ASH1L: variants seen among roughly 807,000 people sequenced by gnomAD.
ASH1L encodes histone-lysine N-methyltransferase ASH1L.
In ASH1L, 23 loss-of-function variants were observed where a neutral mutation model predicts 269.0. The ratio of observed to expected loss-of-function variants is 0.09; its 90% CI spans 0.06 to 0.12. The LOEUF is 0.12. Among genes scored for constraint, ASH1L ranks in the 10% least tolerant of loss-of-function variants. The pLI is 1.00. For synonymous variants in ASH1L, 1,187 were observed against 1,253.5 expected (o/e 0.95, Z 1.12); for missense variants, 2,912 against 3,567.8 (o/e 0.82, Z 4.68).
chr1:155,477,922 G>A lies in ASH1L; in HGVS notation c.4948C>T (p.Leu1650=). 6.2e-7 allele frequency: 1 copy of A among 1,613,612 alleles called. No homozygotes were observed. The highest frequency in any genetic ancestry group is 8.5e-7 in the Non-Finnish European group (1 of 1,179,514). The change falls in exon 3 of 28, where the codon CTG becomes TTG. Residue 1650 remains leucine (L), a synonymous_variant. Coordinates refer to ENST00000392403, the MANE Select transcript of ASH1L (RefSeq NM_018489.3). ...SLNRLHRKES[L]PSNERAVQTL... ...TGTACTGCCCTTTCGTTAGAAGGCAGTGACTCCTTTCTGTGAAGCCGATTT... is the reference window on the plus strand; with the variant it reads ...TGTACTGCCCTTTCGTTAGAAGGCAATGACTCCTTTCTGTGAAGCCGATTT...
chr1:155,519,502 G>A (rs1668725122), intron 2 of ASH1L, among the ~76,000 whole-genome samples: 1 of 152,192 alleles, frequency 6.6e-6, no homozygotes, highest in African/African-American at 2.4e-5. Flanking sequence ...ATTCAGCCAT[G>A]AAAAGGAATG....
Position 155,479,128 on chromosome 1 carries a change from G to C in ASH1L, c.3742C>G (p.His1248Asp). Reference sequence around the variant, plus strand: ...TTCCTGCGCTTACATTTGTGTTTATGTTTTTCTTTAAGACTGCTTAGCACT... The same window carrying C: ...TTCCTGCGCTTACATTTGTGTTTATCTTTTTCTTTAAGACTGCTTAGCACT... ...STVLSSLKEK[H>D]KHKCKRRNHD... The change falls in exon 3 of 28, where the codon CAT (histidine) becomes GAT (aspartate). Residue 1248 changes from histidine (H) to aspartate (D), a missense_variant. Around this residue, in one of 13 missense-constraint regions of ASH1L, gnomAD observed 789 missense variants for 897.6 expected, o/e 0.88. Transcript: ENST00000392403. The C allele has an allele frequency of 6.2e-7, 1 of 1,614,116 alleles. No homozygotes were observed.
intron 1 of ASH1L, among the ~76,000 whole-genome samples, chr1:155,536,902 G>T (rs763553062): frequency 6.6e-6 from 1 of 151,672 alleles, no homozygotes; most frequent in African/African-American, 2.4e-5. Context: ...AAAATTAGCC[G>T]GGCGTGGTGG....
At chr1:155,488,791 A>G (rs1666533295) in intron 2 of ASH1L, among the ~76,000 whole-genome samples, 1 of 151,810 alleles carries the variant, frequency 6.6e-6, no homozygotes, top group South Asian at 2.1e-4. Context: ...ACTTTAAGAG[A>G]GCATATTATC....
At chr1:155,404,638 C>T (rs1659113105) in intron 6 of ASH1L, among the ~76,000 whole-genome samples, 1 of 152,002 alleles carries the variant, frequency 6.6e-6, no homozygotes, top group Non-Finnish European at 1.5e-5. Context: ...GAGACAAACT[C>T]AATACATGAA....
intron 13 of ASH1L, among the ~76,000 whole-genome samples, chr1:155,358,005 G>A (rs532927364): frequency 3.3e-5 from 5 of 152,058 alleles, no homozygotes; most frequent in Non-Finnish European, 2.9e-5. Flanking sequence ...TCCAGGGCTC[G>A]AGCAACTCTC....
chr1:155,485,133 G>A (rs1570953149), intron 2 of ASH1L, among the ~76,000 whole-genome samples: 1 of 150,894 alleles, frequency 6.6e-6, no homozygotes, highest in East Asian at 1.9e-4. Flanking sequence ...GCGCATGCCT[G>A]TAGTCCCAGC....
intron 2 of ASH1L, among the ~76,000 whole-genome samples, chr1:155,494,932 A>AAG (rs139398189): frequency 0.011 from 1,681 of 149,514 alleles, 14 homozygotes; most frequent in African/African-American, 0.03. Flanking sequence ...AATAAGGAAA[A>AAG]AGAGAGAGAG....
chr1:155,442,629 T>G (rs1159240708), intron 4 of ASH1L, among the ~76,000 whole-genome samples: 1 of 151,608 alleles, frequency 6.6e-6, no homozygotes, highest in East Asian at 1.9e-4. Context: ...CTCACAAATT[T>G]TATCAGGTTT....
At chr1:155,484,659 T>C (rs1338009335) in intron 2 of ASH1L, among the ~76,000 whole-genome samples, 3 of 151,820 alleles carry the variant, frequency 2.0e-5, no homozygotes, top group Non-Finnish European at 4.4e-5. Context: ...CCAGGCGCAG[T>C]GGCTCATGCC....
At chr1:155,495,296 T>C (rs528982709) in intron 2 of ASH1L, among the ~76,000 whole-genome samples, 6 of 152,240 alleles carry the variant, frequency 3.9e-5, no homozygotes, top group African/African-American at 1.4e-4. Context: ...ATTTTTGTCA[T>C]TGTATGATCA....
At chr1:155,510,399 G>A (rs1327503168) in intron 2 of ASH1L, among the ~76,000 whole-genome samples, 1 of 118,464 alleles carries the variant, frequency 8.4e-6, no homozygotes, top group Non-Finnish European at 1.6e-5. Context: ...GGACGACAGA[G>A]CAAGGCTGCC....
chr1:155,382,176 A>G (rs1373491109), intron 7 of ASH1L, among the ~76,000 whole-genome samples: 2 of 150,944 alleles, frequency 1.3e-5, no homozygotes, highest in Non-Finnish European at 2.9e-5. Flanking sequence ...ATTACACTCC[A>G]GCAGGCAACG....
chr1:155,418,291 A>T lies in ASH1L; in HGVS notation c.5829-2368T>A, dbSNP rs557873557. 2.6e-5 allele frequency among the ~76,000 whole-genome samples: 4 copies of T among 152,274 alleles called. No individual in the cohort carries two copies. In the East Asian group the frequency reaches 5.8e-4, roughly 22 times the overall value. On this transcript the variant is annotated intron_variant, in intron 5 of 27. Coordinates refer to ENST00000392403, the MANE Select transcript of ASH1L (RefSeq NM_018489.3). ...GGAATTTAGAAGAAAATACAAAGAT[A>T]ATGAGGAGAGGAAGAGAAGACTTAA...
intron 1 of ASH1L, among the ~76,000 whole-genome samples, chr1:155,536,510 T>C (rs1670066565): frequency 6.6e-6 from 1 of 152,200 alleles, no homozygotes; most frequent in South Asian, 2.1e-4. Context: ...GCAAAATCTG[T>C]CAGCTTTACC....
chr1:155,363,606 T>C (rs1347859303), intron 12 of ASH1L, among the ~76,000 whole-genome samples: 2 of 152,078 alleles, frequency 1.3e-5, no homozygotes, highest in Non-Finnish European at 2.9e-5. Context: ...ACTGCTCCCA[T>C]CTTTGTGAAT....
intron 6 of ASH1L, among the ~76,000 whole-genome samples, chr1:155,408,335 G>A (rs1290531359): frequency 2.6e-5 from 4 of 152,092 alleles, no homozygotes; most frequent in Non-Finnish European, 4.4e-5. Context: ...TTGTGTGTAC[G>A]CACATTTTTT....
intron 5 of ASH1L, among the ~76,000 whole-genome samples, chr1:155,419,107 G>A (rs964061007): frequency 4.0e-5 from 6 of 148,900 alleles, no homozygotes; most frequent in Non-Finnish European, 7.4e-5. Context: ...GAAAACACAC[G>A]TTATAAAAAG....
intron 27 of ASH1L, 92 bp downstream of exon 27, chr1:155,337,997 T>G: frequency 1.5e-6 from 2 of 1,325,850 alleles, no homozygotes; most frequent in Non-Finnish European, 2.1e-6. Flanking sequence ...CTTAGAATAC[T>G]TTGGATGCTG....
Sources: allele counts gnomAD v4.1 joint callset (sites outside exome capture counted in the v4.1 genomes callset), GRCh38; gene constraint gnomAD v4.1.1; regional missense constraint gnomAD v4.1.1; transcripts MANE v1.5; gene names NCBI Gene and HGNC (gene_info 2026-07-23, HGNC 2026-07-21).